Variants in KCND2 observed in about 807,000 individuals in gnomAD.
KCND2 encodes the protein A-type voltage-gated potassium channel KCND2.
A neutral mutation model predicts 54.4 loss-of-function variants in KCND2; 16 were observed. That is an observed-to-expected ratio of 0.29 (90% CI 0.20 to 0.45). The LOEUF is 0.45. Ranked by LOEUF, KCND2 falls within the 20% of genes least tolerant of loss-of-function variation. The probability of loss-of-function intolerance (pLI) is 1.00; values close to 1 mark genes in which losing one functional copy is unlikely to be tolerated. For missense variants in KCND2, 486 were observed against 824.2 expected, an observed-to-expected ratio of 0.59 and a Z score of 5.02; for synonymous variants, 317 against 310.7, an observed-to-expected ratio of 1.02 and a Z score of -0.21.
At chr7:120,635,381 T>A (rs2116521391) in intron 1 of KCND2, among the ~76,000 whole-genome samples, 1 of 152,344 alleles carries the variant, frequency 6.6e-6, no homozygotes, top group South Asian at 2.1e-4. Flanking sequence ...CACTCCAACT[T>A]GTCAACTATG....
At chr7:120,400,365 A>G (rs532435770) in intron 1 of KCND2, among the ~76,000 whole-genome samples, 1 of 152,300 alleles carries the variant, frequency 6.6e-6, no homozygotes, top group Non-Finnish European at 1.5e-5. Flanking sequence ...ACCATACTCC[A>G]ATAAAGCAAA....
chr7:120,551,788 A>C (rs1338622811), intron 1 of KCND2, among the ~76,000 whole-genome samples: 1 of 152,186 alleles, frequency 6.6e-6, no homozygotes, highest in Non-Finnish European at 1.5e-5. Flanking sequence ...TCATTCATCC[A>C]TCTAATATTC....
At chr7:120,599,688 T>C (rs1792790475) in intron 1 of KCND2, among the ~76,000 whole-genome samples, 1 of 152,054 alleles carries the variant, frequency 6.6e-6, no homozygotes, top group Non-Finnish European at 1.5e-5. Flanking sequence ...ACTCATTAGT[T>C]CTAATAGCTT....
chr7:120,406,671 CACA>C (rs1563035992), intron 1 of KCND2, among the ~76,000 whole-genome samples: 1 of 151,884 alleles, frequency 6.6e-6, no homozygotes, highest in Non-Finnish European at 1.5e-5. Context: ...AGGTGAGATA[CACA>C]TTAATGCAAA....
At chr7:120,281,352 A>G (rs764179739) in intron 1 of KCND2, among the ~76,000 whole-genome samples, 20 of 151,304 alleles carry the variant, frequency 1.3e-4, no homozygotes, top group Non-Finnish European at 2.1e-4. Context: ...ATTTATGTAC[A>G]TATGTATGTA....
chr7:120,507,553 T>C (rs1267042762), intron 1 of KCND2, among the ~76,000 whole-genome samples: 1 of 151,908 alleles, frequency 6.6e-6, no homozygotes, highest in Non-Finnish European at 1.5e-5. Context: ...AACATGCCCA[T>C]TGCTCTTCCT....
At chr7:120,534,875 G>A (rs1791885831) in intron 1 of KCND2, among the ~76,000 whole-genome samples, 2 of 152,124 alleles carry the variant, frequency 1.3e-5, no homozygotes, top group African/African-American at 2.4e-5. Flanking sequence ...CAAGTGGAAT[G>A]ATAAAAGAAA....
At chr7:120,334,881 C>T (rs908851121) in intron 1 of KCND2, among the ~76,000 whole-genome samples, 3 of 151,902 alleles carry the variant, frequency 2.0e-5, no homozygotes. Context: ...GCATTTTTTC[C>T]TTTTGCCAGT....
intron 1 of KCND2, among the ~76,000 whole-genome samples, chr7:120,449,402 C>G (rs1008335054): frequency 1.3e-5 from 2 of 152,010 alleles, no homozygotes; most frequent in African/African-American, 4.8e-5. Flanking sequence ...TCCACATTAC[C>G]CTACTGGCCT....
At position 120,322,256 on chromosome 7, in the gene KCND2, G is replaced by A. The variant is rs189426332; in HGVS notation, c.1115+46509G>A. Among the ~76,000 whole-genome samples the A allele has an allele frequency of 1.0e-3, 156 of 152,060 alleles. 1 individual carries two copies. Among genetic ancestry groups the A allele is most frequent in the African/African-American group, 3.7e-3 (153 of 41,506 alleles). On this transcript the variant is annotated intron_variant, in intron 1 of 5. Coordinates refer to ENST00000331113, the MANE Select transcript of KCND2 (RefSeq NM_012281.3). ...CACTTTTCTATGTCAAATATAAGCT[G>A]CTTGGATTTAATAGGCATATAACAT...
At chr7:120,481,537 T>C (rs948603042) in intron 1 of KCND2, among the ~76,000 whole-genome samples, 1 of 152,174 alleles carries the variant, frequency 6.6e-6, no homozygotes, top group African/African-American at 2.4e-5. Context: ...AGAAAGACAC[T>C]GAAGGCATTT....
At chr7:120,489,988 G>A (rs1224758614) in intron 1 of KCND2, among the ~76,000 whole-genome samples, 2 of 152,072 alleles carry the variant, frequency 1.3e-5, no homozygotes, top group African/African-American at 4.8e-5. Context: ...AGTCATCGTT[G>A]TCACTCCAAA....
chr7:120,523,702 C>CACTGTGTGTGTGTG (rs1491350289), intron 1 of KCND2, among the ~76,000 whole-genome samples: 123 of 111,016 alleles, frequency 1.1e-3, no homozygotes, highest in African/African-American at 4.8e-3. Context: ...CACACACACA[C>CACTGTGTGTGTGTG]TCTGTGTGTG....
At position 120,679,634 on chromosome 7, in the gene KCND2, C is replaced by T. The variant is rs888251266; in HGVS notation, c.1116-53269C>T. ...TGGCTCTTTTAATTATTATTTCTTA[C>T]CTGCTTAAAAAAATGGCTGCCTAAC... On this transcript the variant is annotated intron_variant, in intron 1 of 5. Coordinates refer to ENST00000331113, the MANE Select transcript of KCND2 (RefSeq NM_012281.3). Among the ~76,000 whole-genome samples, 5 of 151,988 alleles carry T rather than the reference C, an allele frequency of 3.3e-5. No homozygotes were observed. The South Asian group carries it at 1.0e-3, about 32-fold the overall frequency.
chr7:120,676,041 T>A (rs1000307825), intron 1 of KCND2, among the ~76,000 whole-genome samples: 13 of 152,142 alleles, frequency 8.5e-5, no homozygotes, highest in African/African-American at 2.4e-4. Flanking sequence ...TTTGGCCATT[T>A]TGGCCAAGCT....
At chr7:120,735,804 C>T in intron 2 of KCND2, among the ~76,000 whole-genome samples, 1 of 151,932 alleles carries the variant, frequency 6.6e-6, no homozygotes. Context: ...AATATAATAA[C>T]CAAGTATAAT....
At chr7:120,700,166 A>G (rs1348447970) in intron 1 of KCND2, among the ~76,000 whole-genome samples, 1 of 152,218 alleles carries the variant, frequency 6.6e-6, no homozygotes, top group African/African-American at 2.4e-5. Context: ...TACAAAGTTT[A>G]TCTCTAAAGA....
At position 120,384,440 on chromosome 7, in the gene KCND2, C is replaced by G. The variant is rs535590348; in HGVS notation, c.1115+108693C>G. Among the ~76,000 whole-genome samples, 78 of 152,250 alleles carry G rather than the reference C, an allele frequency of 5.1e-4. No individual in the cohort carries two copies. In the South Asian group the frequency reaches 0.016, roughly 31 times the overall value. On this transcript the variant is annotated intron_variant, in intron 1 of 5. Transcript: ENST00000331113. ...ATCAGCAAAAACTTCTCCTTGCGCT[C>G]CACCAGTGACACACATATGCTCTCA...
intron 1 of KCND2, among the ~76,000 whole-genome samples, chr7:120,458,302 G>T (rs767563362): frequency 3.3e-5 from 5 of 152,070 alleles, no homozygotes; most frequent in Non-Finnish European, 5.9e-5. Context: ...CACAGGTTTG[G>T]GTCTAAGACA....
Sources: gnomAD v4.1 joint callset for allele counts (sites outside exome capture counted in the v4.1 genomes callset) on GRCh38, gnomAD v4.1.1 for gene constraint, MANE v1.5 for transcripts, NCBI Gene and HGNC (gene_info 2026-07-23, HGNC 2026-07-21) for gene names.